The following SMARCA2 variants were observed in gnomAD, a reference collection of about 807,000 sequenced individuals.
SMARCA2 encodes the protein SWI/SNF-related matrix-associated actin-dependent regulator of chromatin subfamily A member 2.
In SMARCA2, 61 loss-of-function variants were observed where a neutral mutation model predicts 199.8. The observed-to-expected ratio is 0.31, with a 90% confidence interval of 0.25 to 0.38. SMARCA2 has a LOEUF of 0.38. Ranked by LOEUF, SMARCA2 falls within the 10% of genes least tolerant of loss-of-function variation. The pLI is 1.00. For missense variants in SMARCA2, 1,344 were observed against 2,012.2 expected (o/e 0.67, Z 6.35); for synonymous variants, 935 against 732.0 (o/e 1.28, Z -4.48).
In SMARCA2 at chr9:2,110,280, G is replaced by A. The variant is rs1334505383; in HGVS notation, c.3319G>A (p.Ala1107Thr). 6.2e-7 allele frequency: 1 copy of A among 1,613,254 alleles called. No homozygotes were observed. The highest frequency in any genetic ancestry group is 1.7e-4 in the Middle Eastern group (1 of 6,060). ...CACCACCAAGTCTGAAGATCGTGCT[G>A]CTTTGCTGAAGAAATTCAATGAACC... Reference protein sequence around the residue: ...DGTTKSEDRAALLKKFNEPGS... With the variant: ...DGTTKSEDRATLLKKFNEPGS... The change falls in exon 24 of 34, where the codon GCT becomes ACT. Residue 1107 changes from alanine to threonine, a missense_variant. Physicochemically the swap from Ala to Thr is moderately conservative, Grantham distance 58. This residue lies in a region of SMARCA2 where 98 missense variants were observed against 245.6 expected (regional missense o/e 0.40). Coordinates refer to ENST00000349721, the MANE Select transcript of SMARCA2 (RefSeq NM_003070.5). The surrounding 1 kb of genome is among the most constrained non-coding windows in gnomAD (Gnocchi z 4.8).
intron 23 of SMARCA2, among the ~76,000 whole-genome samples, chr9:2,105,332 GCCA>G (rs746499011): frequency 6.6e-6 from 1 of 151,800 alleles, no homozygotes; most frequent in Non-Finnish European, 1.5e-5. Context: ...TGCAACTTCT[GCCA>G]CCCGGGTTCA....
intron 27 of SMARCA2, chr9:2,159,100 T>G: frequency 8.2e-7 from 1 of 1,217,452 alleles, no homozygotes; most frequent in Non-Finnish European, 1.2e-6. Flanking sequence ...TTGTTTTCGC[T>G]TCTTAGCTAC....
At position 2,193,370 on chromosome 9, in the gene SMARCA2, TAAAA is replaced by T. The variant is rs888331676; in HGVS notation, c.*636_*639del. ...TTGCTTAATTTTTTTGCTCTTGATT[TAAAA>T]AAAAGTTTTGTTGAAAGCGCTATTG... On this transcript the variant is annotated 3_prime_UTR_variant, in exon 34 of 34. Transcript: ENST00000349721. The T allele has an allele frequency of 6.6e-6, 1 of 152,568 alleles. No individual in the cohort carries two copies. 9.5% of individuals were successfully genotyped at this position (152,568 alleles called of 1,614,324 possible). A position where few individuals can be genotyped will look rare whatever the true frequency, so the allele number is the denominator to read the frequency against.
At chr9:2,051,040 T>G (rs577311911) in intron 5 of SMARCA2, among the ~76,000 whole-genome samples, 2 of 152,352 alleles carry the variant, frequency 1.3e-5, no homozygotes, top group African/African-American at 4.8e-5. Flanking sequence ...TTTAGAATCC[T>G]GAATCTCTTT....
Position 2,070,421 on chromosome 9 carries a change from G to T in SMARCA2, c.1696G>T (p.Ala566Ser). The stretch of plus-strand genomic sequence containing the variant: ...ATTCGACATTGTTGTTTTGCAGAAG[G>T]CTGAGGAGAATGCAGAGGGTGGGGA... ...KKKRRRRKKKAEENAEGGESA... is the reference protein window; with the variant it reads ...KKKRRRRKKKSEENAEGGESA... The change falls in exon 10 of 34, where the codon GCT (alanine) becomes TCT (serine). Residue 566 changes from alanine to serine, a missense_variant. Coordinates refer to ENST00000349721, the MANE Select transcript of SMARCA2 (RefSeq NM_003070.5). 2 of 1,613,790 alleles carry T rather than the reference G, an allele frequency of 1.2e-6. No homozygotes were observed. Among genetic ancestry groups the T allele is most frequent in the Admixed American group, 1.7e-5 (1 of 60,024 alleles).
At chr9:2,072,057 A>T (rs1563748870) in intron 10 of SMARCA2, 10 of 152,212 alleles carry the variant, frequency 6.6e-5, no homozygotes, top group Admixed American at 6.5e-4. Context: ...GTAAGGGGAA[A>T]GAACCATTGG....
chr9:2,170,940 C>G lies in SMARCA2; in HGVS notation c.4253+468C>G, dbSNP rs1405199379. On this transcript the variant is annotated intron_variant, in intron 29 of 33. Transcript: ENST00000349721. This position sits in a 1 kb window ranked among gnomAD's most constrained non-coding sequence, Gnocchi z 4.7. ...GCTGTGTCTGCATTCCAGAGTTGAT[C>G]ATGGCATGCAGAGGGCAATTGCTGA... Among the ~76,000 whole-genome samples the G allele has an allele frequency of 1.3e-5, 2 of 152,210 alleles. No homozygotes were observed. Among genetic ancestry groups the G allele is most frequent in the African/African-American group, 4.8e-5 (2 of 41,444 alleles).
rs1295524976 is a variant in SMARCA2 at position 2,073,347 on chromosome 9, G to C, written c.1877+5G>C. The stretch of plus-strand genomic sequence containing the variant: ...CTGGCTGGAAATGAATCCTGGGTAA[G>C]GCATGAAAGCAGCGTTCATGGTGTT... On this transcript the variant is annotated splice_donor_5th_base_variant and intron_variant, in intron 11 of 33. Coordinates refer to ENST00000349721, the MANE Select transcript of SMARCA2 (RefSeq NM_003070.5). 6.2e-7 allele frequency: 1 copy of C among 1,614,022 alleles called. No individual in the cohort carries two copies. The highest frequency in any genetic ancestry group is 8.5e-7 in the Non-Finnish European group (1 of 1,180,024).
rs576429782 is a variant in SMARCA2, at chr9:2,158,470, A to G, written c.3982-3216A>G. 466 of 154,158 alleles carry G rather than the reference A, an allele frequency of 3.0e-3. 2 individuals carry two copies. Among genetic ancestry groups the G allele is most frequent in the Middle Eastern group, 0.013 (4 of 306 alleles). The allele number at this position is 154,158 out of a possible 1,614,324, so 9.5% of individuals were successfully genotyped here. On this transcript the variant is annotated intron_variant, in intron 27 of 33. Transcript: ENST00000349721. ...CCTTCCTATTCACTTCATTAAATCT[A>G]GAGGCAGTTGAGCATGGGAGCCGTC...
chr9:2,015,814 C>T (rs567017137), intron 1 of SMARCA2, among the ~76,000 whole-genome samples: 1 of 152,322 alleles, frequency 6.6e-6, no homozygotes, highest in African/African-American at 2.4e-5. Flanking sequence ...TTGCAACACA[C>T]ACATTGGGCC....
intron 29 of SMARCA2, among the ~76,000 whole-genome samples, chr9:2,171,745 T>A (rs1027284237): frequency 1.3e-5 from 2 of 152,200 alleles, no homozygotes; most frequent in African/African-American, 4.8e-5. Flanking sequence ...CCACCCCTAA[T>A]ACCTAGAAAG....
intron 23 of SMARCA2, among the ~76,000 whole-genome samples, chr9:2,107,366 C>T (rs1822801922): frequency 6.6e-6 from 1 of 152,024 alleles, no homozygotes; most frequent in Admixed American, 6.6e-5. Flanking sequence ...TCGCTCTGTC[C>T]CCCAGGCTGG....
chr9:2,129,640 C>G (rs889102010), intron 27 of SMARCA2, among the ~76,000 whole-genome samples: 3 of 152,182 alleles, frequency 2.0e-5, no homozygotes, highest in African/African-American at 7.2e-5. Context: ...CATGCTTGAA[C>G]TCATTCCCCA....
intron 3 of SMARCA2, among the ~76,000 whole-genome samples, chr9:2,037,154 C>T (rs184950794): frequency 9.9e-5 from 15 of 152,254 alleles, no homozygotes; most frequent in South Asian, 8.3e-4. Context: ...TTTGTACTAG[C>T]GTTACAACTA....
rs1321671169 is a variant in SMARCA2, at chr9:2,141,013, C to G, written c.3981+17076C>G. On this transcript the variant is annotated intron_variant, in intron 27 of 33. Transcript: ENST00000349721. ...GAACCGGCCTTTGGTATTTCACAGGCTGAACCCTTCTCTTTTTAAGTGACC... is the reference window on the plus strand; with the variant it reads ...GAACCGGCCTTTGGTATTTCACAGGGTGAACCCTTCTCTTTTTAAGTGACC... 2.0e-5 allele frequency among the ~76,000 whole-genome samples: 3 copies of G among 152,086 alleles called. No homozygotes were observed. In the East Asian group the frequency reaches 5.8e-4, roughly 29 times the overall value.
chr9:2,084,113 G>A lies in SMARCA2; in HGVS notation c.2443G>A (p.Val815Ile). 6.2e-7 allele frequency: 1 copy of A among 1,612,274 alleles called. No homozygotes were observed. The highest frequency in any genetic ancestry group is 8.5e-7 in the Non-Finnish European group (1 of 1,178,448). ...KGTPAMRRSL[V>I]PQLRSGKFNV... The stretch of plus-strand genomic sequence containing the variant: ...TACTCCTGCCATGCGTCGCTCCCTT[G>A]TCCCCCAGCTACGGAGTGGCAAATT... Residue 815 changes from valine (V) to isoleucine (I), a missense_variant, in exon 17 of 34, where the codon GTC becomes ATC. Coordinates refer to ENST00000349721, the MANE Select transcript of SMARCA2 (RefSeq NM_003070.5).
intron 27 of SMARCA2, among the ~76,000 whole-genome samples, chr9:2,157,021 A>G (rs1825402141): frequency 6.6e-6 from 1 of 152,188 alleles, no homozygotes; most frequent in African/African-American, 2.4e-5. Context: ...AGACAGTAAT[A>G]ATCAAAAACT....
intron 25 of SMARCA2, among the ~76,000 whole-genome samples, chr9:2,117,965 C>T (rs922144230): frequency 6.6e-5 from 10 of 152,178 alleles, no homozygotes; most frequent in Non-Finnish European, 1.2e-4. Context: ...ATGGTTGATG[C>T]GACCATGAAG....
intron 9 of SMARCA2, chr9:2,068,839 G>GTTC (rs1265019748): frequency 6.6e-6 from 1 of 151,904 alleles, no homozygotes; most frequent in African/African-American, 2.4e-5. Flanking sequence ...AGAGGTTATC[G>GTTC]TAAGTGGAAG....
Sources: allele counts gnomAD v4.1 joint callset (sites outside exome capture counted in the v4.1 genomes callset), GRCh38; gene constraint gnomAD v4.1.1; regional missense constraint gnomAD v4.1.1; non-coding constraint Gnocchi (gnomAD v3.1); transcripts MANE v1.5; gene names NCBI Gene and HGNC (gene_info 2026-07-23, HGNC 2026-07-21).